Variants in PECAM1 observed in about 807,000 individuals in gnomAD.
PECAM1 encodes platelet and endothelial cell adhesion molecule 1.
In PECAM1, 8 loss-of-function variants were observed where a neutral mutation model predicts 13.8. That is an observed-to-expected ratio of 0.58 (90% CI 0.34 to 1.05). The LOEUF is 1.05. Ranked by LOEUF, PECAM1 falls within the 50% of genes least tolerant of loss-of-function variation. PECAM1 has a pLI of 0.03. For synonymous variants in PECAM1, 136 were observed against 52.6 expected (o/e 2.58, Z -6.86); for missense variants, 304 against 141.2 (o/e 2.15, Z -5.84).
At position 64,321,618 on chromosome 17, in the gene PECAM1, A is replaced by G. The variant is rs545042544; in HGVS notation, c.*2198T>C. 7.1e-4 allele frequency: 336 copies of G among 471,484 alleles called. 3 individuals carry two copies. The highest frequency in any genetic ancestry group is 9.4e-4 in the Non-Finnish European group (315 of 334,836). 29.2% of individuals were successfully genotyped at this position (471,484 alleles called of 1,614,324 possible). On this transcript the variant is annotated 3_prime_UTR_variant, in exon 16 of 16. Transcript: ENST00000563924. ...GCAAAAAAAAAATTAAAAATTAGCC[A>G]GCTATGGCGGCTCACGCCTCTGGTC...
At chr17:64,385,586 T>C (rs911529966) in intron 2 of PECAM1, among the ~76,000 whole-genome samples, 10 of 152,078 alleles carry the variant, frequency 6.6e-5, no homozygotes, top group Non-Finnish European at 1.5e-4. Flanking sequence ...GAGACATGTG[T>C]CGAGAACCTG....
At chr17:64,325,089 GA>G (rs1555645315) in intron 15 of PECAM1, among the ~76,000 whole-genome samples, 1 of 152,246 alleles carries the variant, frequency 6.6e-6, no homozygotes, top group East Asian at 1.9e-4. Flanking sequence ...GTATACACTG[GA>G]AAATGGTGAA....
At position 64,383,059 on chromosome 17, in the gene PECAM1, A is replaced by C. The variant is rs887753161; in HGVS notation, c.92-4942T>G. 2.8e-3 allele frequency among the ~76,000 whole-genome samples: 420 copies of C among 152,254 alleles called. 1 individual carries two copies. The highest frequency in any genetic ancestry group is 9.6e-3 in the African/African-American group (400 of 41,540). ...CATCTCAAAAAAAATAAACAAAATA[A>C]AAAGCATATTAAACATTTTCAGGTT... On this transcript the variant is annotated intron_variant, in intron 2 of 15. Transcript: ENST00000563924.
In PECAM1 at chr17:64,321,333, C is replaced by G. The variant is rs892076380; in HGVS notation, c.*2483G>C. 1.4e-6 allele frequency: 1 copy of G among 705,456 alleles called. No individual in the cohort carries two copies. Among genetic ancestry groups the G allele is most frequent in the African/African-American group, 1.9e-5 (1 of 51,834 alleles). 43.7% of individuals were successfully genotyped at this position (705,456 alleles called of 1,614,324 possible). On this transcript the variant is annotated 3_prime_UTR_variant, in exon 16 of 16. Transcript: ENST00000563924. Reference sequence around the variant, plus strand: ...TAGACACCGGGGTTACGGCAGCTGCCGAGGAAGGCTAAAGCCAGCGTCCTG... The same window carrying G: ...TAGACACCGGGGTTACGGCAGCTGCGGAGGAAGGCTAAAGCCAGCGTCCTG...
At chr17:64,358,016 C>T (rs2035884065) in intron 7 of PECAM1, among the ~76,000 whole-genome samples, 1 of 151,476 alleles carries the variant, frequency 6.6e-6, no homozygotes, top group Non-Finnish European at 1.5e-5. Flanking sequence ...TGACACCTGT[C>T]ACGCTTAGGC....
chr17:64,358,940 G>C (rs902145195), intron 7 of PECAM1, among the ~76,000 whole-genome samples: 2 of 151,956 alleles, frequency 1.3e-5, no homozygotes, highest in South Asian at 4.2e-4. Context: ...GGCATTAAAG[G>C]TGCCCACCAC....
chr17:64,360,690 C>T (rs2035952979), intron 6 of PECAM1, among the ~76,000 whole-genome samples: 1 of 150,266 alleles, frequency 6.7e-6, no homozygotes, highest in Non-Finnish European at 1.5e-5. Flanking sequence ...GAAAACATTA[C>T]ATCCCCAGAA....
chr17:64,341,722 T>A (rs1424419323), intron 13 of PECAM1, 32 bp from the exon 14 acceptor site: 2 of 422,090 alleles, frequency 4.7e-6, no homozygotes, highest in Non-Finnish European at 4.3e-6. Flanking sequence ...AGTTAGTAGC[T>A]GCCTCTGGGA....
intron 14 of PECAM1, among the ~76,000 whole-genome samples, chr17:64,337,093 T>C (rs1048158040): frequency 1.1e-4 from 17 of 152,316 alleles, no homozygotes; most frequent in African/African-American, 4.1e-4. Context: ...AGGAAACCCC[T>C]TGGCTTCCAG....
At chr17:64,326,031 T>A (rs2034948773) in intron 15 of PECAM1, among the ~76,000 whole-genome samples, 1 of 152,204 alleles carries the variant, frequency 6.6e-6, no homozygotes, top group Non-Finnish European at 1.5e-5. Context: ...CTGAGAGGGC[T>A]CTGGGCTGGG....
intron 2 of PECAM1, 173 bp downstream of exon 2, chr17:64,390,316 T>A (rs1456786523): frequency 2.5e-6 from 1 of 403,220 alleles, no homozygotes; most frequent in Non-Finnish European, 4.4e-6. Context: ...GGCTTAGATC[T>A]AAGCCTTTCT....
intron 2 of PECAM1, among the ~76,000 whole-genome samples, chr17:64,388,180 T>G (rs2036639493): frequency 1.3e-5 from 2 of 151,996 alleles, no homozygotes; most frequent in African/African-American, 2.4e-5. Context: ...GACTTCCATG[T>G]GGTGTGGAGG....
intron 14 of PECAM1, among the ~76,000 whole-genome samples, chr17:64,332,755 G>A (rs1365889264): frequency 1.3e-5 from 2 of 152,154 alleles, no homozygotes; most frequent in East Asian, 1.9e-4. Flanking sequence ...GGCTACTCTC[G>A]GCCCAGCTAG....
chr17:64,343,704 A>AGG (rs1197644936), intron 13 of PECAM1, among the ~76,000 whole-genome samples: 23 of 152,284 alleles, frequency 1.5e-4, no homozygotes, highest in African/African-American at 5.3e-4. Context: ...TGACTTCCCC[A>AGG]GGGCACCAAA....
In PECAM1 at chr17:64,378,071, C is replaced by T. The variant is rs916525242; in HGVS notation, c.138G>A (p.Thr46=). The T allele has an allele frequency of 3.6e-5, 17 of 475,196 alleles. No individual in the cohort carries two copies. In the East Asian group the frequency reaches 3.7e-4, roughly 10 times the overall value. The allele number at this position is 475,196 out of a possible 1,614,324, so 29.4% of individuals were successfully genotyped here. The change falls in exon 3 of 16, where the codon ACG becomes ACA. Residue 46 remains threonine (T), a synonymous_variant. Transcript: ENST00000563924. ...GGGTCAGGTTCTTCCCATTTTGCAC[C>T]GTCCAGTCCGGCAGGCTCTTCATGT... The part of the protein sequence containing the change: ...SVDMKSLPDW[T]VQNGKNLTLQ...
chr17:64,352,641 A>G lies in PECAM1; in HGVS notation c.1917-178T>C, dbSNP rs1447434569. On this transcript the variant is annotated intron_variant, in intron 10 of 15. Coordinates refer to ENST00000563924, the MANE Select transcript of PECAM1 (RefSeq NM_000442.5). ...AAAACAAATATTTTTTGGCAGCTCC[A>G]AGGATTATGTAAAAAAACTTTTTTT... is the stretch of plus-strand genomic sequence containing the variant. 6.4e-5 allele frequency among the ~76,000 whole-genome samples: 9 copies of G among 141,562 alleles called. No homozygotes were observed. The East Asian group carries it at 1.9e-3, about 30-fold the overall frequency. 92.9% of individuals were successfully genotyped at this position (141,562 alleles called of 152,430 possible). A position where few individuals can be genotyped will look rare whatever the true frequency, so the allele number is the denominator to read the frequency against.
rs1042251233 is a variant in PECAM1, at chr17:64,338,935, C to T, written c.2164+2699G>A. On this transcript the variant is annotated intron_variant, in intron 14 of 15. Transcript: ENST00000563924. ...ATTGATGTTTCTCCTGTGTGATTTG[C>T]GTTATGTATGTTAATAAACTCTGTT... Among the ~76,000 whole-genome samples, 22 of 152,272 alleles carry T rather than the reference C, an allele frequency of 1.4e-4. No individual in the cohort carries two copies. In the East Asian group the frequency reaches 2.7e-3, roughly 19 times the overall value.
chr17:64,358,383 T>C (rs1259100198), intron 7 of PECAM1, among the ~76,000 whole-genome samples: 1 of 152,112 alleles, frequency 6.6e-6, no homozygotes, highest in Non-Finnish European at 1.5e-5. Flanking sequence ...TCTCCCAAAG[T>C]GCTGGGATTA....
chr17:64,341,247 G>C (rs2035421564), intron 14 of PECAM1, among the ~76,000 whole-genome samples: 1 of 151,144 alleles, frequency 6.6e-6, no homozygotes. Flanking sequence ...CTGAGTGACA[G>C]AGCGAGACTC....
Sources: gnomAD v4.1 joint callset for allele counts (sites outside exome capture counted in the v4.1 genomes callset) on GRCh38, gnomAD v4.1.1 for gene constraint, MANE v1.5 for transcripts, NCBI Gene and HGNC (gene_info 2026-07-23, HGNC 2026-07-21) for gene names.